PTPRT: variants seen among roughly 807,000 people sequenced by gnomAD.
The protein encoded by PTPRT is receptor-type tyrosine-protein phosphatase T.
In PTPRT, 56 loss-of-function variants were observed where a neutral mutation model predicts 176.8. That is an observed-to-expected ratio of 0.32 (90% confidence interval 0.26 to 0.40). The LOEUF (loss-of-function observed/expected upper bound fraction) is 0.40. Ranked by LOEUF, PTPRT falls within the 10% of genes least tolerant of loss-of-function variation. The pLI is 1.00. For missense variants in PTPRT, 1,540 were observed against 1,908.2 expected (o/e 0.81, Z 3.60); for synonymous variants, 783 against 739.0 (o/e 1.06, Z -0.96).
rs755791453 is a variant in PTPRT at position 42,472,397 on chromosome 20, A to G, written c.1319T>C (p.Val440Ala). The change falls in exon 8 of 31, where the codon GTC becomes GCC. Residue 440 changes from valine to alanine, a missense_variant. Val to Ala is a moderately conservative substitution (Grantham distance 64). Around this residue, in one of 11 missense-constraint regions of PTPRT, gnomAD observed 79 missense variants for 80.0 expected, o/e 0.99. Coordinates refer to ENST00000373187, the MANE Select transcript of PTPRT (RefSeq NM_007050.6). Reference sequence around the variant, plus strand: ...GGTGTAGTGGGAGGAGGTCTGGATGACCTCCTCGGCCTCGTACTGCTGCTG... The same window carrying G: ...GGTGTAGTGGGAGGAGGTCTGGATGGCCTCCTCGGCCTCGTACTGCTGCTG... The part of the protein sequence containing the change: ...FNQQQYEAEE[V>A]IQTSSHYTLR... 5.0e-6 allele frequency: 8 copies of G among 1,614,002 alleles called. No homozygotes were observed. The Admixed American group carries it at 1.2e-4, about 24-fold the overall frequency.
intron 17 of PTPRT, among the ~76,000 whole-genome samples, chr20:42,159,566 C>G (rs191598762): frequency 7.2e-5 from 11 of 151,998 alleles, no homozygotes; most frequent in African/African-American, 1.9e-4. Flanking sequence ...ATTCAACCCC[C>G]TAGGAAATGA....
chr20:42,717,017 C>G (rs1181556041), intron 6 of PTPRT, among the ~76,000 whole-genome samples: 1 of 147,848 alleles, frequency 6.8e-6, no homozygotes, highest in Non-Finnish European at 1.5e-5. Flanking sequence ...AGGGGAACAT[C>G]ACACACCAGG....
intron 7 of PTPRT, among the ~76,000 whole-genome samples, chr20:42,627,445 A>AT (rs35643809): frequency 3.3e-5 from 5 of 151,574 alleles, no homozygotes; most frequent in African/African-American, 9.7e-5. Flanking sequence ...AATTTTTTTA[A>AT]TTTTTTTGTA....
At chr20:42,892,872 C>T (rs1026253536) in intron 1 of PTPRT, among the ~76,000 whole-genome samples, 1 of 152,192 alleles carries the variant, frequency 6.6e-6, no homozygotes, top group African/African-American at 2.4e-5. Context: ...CTTTATTGTT[C>T]AGTGAATGCC....
chr20:42,411,751 C>T (rs1162055932), intron 9 of PTPRT, among the ~76,000 whole-genome samples: 1 of 151,784 alleles, frequency 6.6e-6, no homozygotes, highest in Non-Finnish European at 1.5e-5. Flanking sequence ...TTGAAAGACA[C>T]AAACTACCAA....
At chr20:42,281,480 C>T (rs1278414200) in intron 13 of PTPRT, among the ~76,000 whole-genome samples, 3 of 152,118 alleles carry the variant, frequency 2.0e-5, no homozygotes, top group East Asian at 1.9e-4. Context: ...GTGCACATTT[C>T]GTCAAGTAGC....
At chr20:42,653,820 G>A (rs145619345) in intron 7 of PTPRT, among the ~76,000 whole-genome samples, 20 of 152,182 alleles carry the variant, frequency 1.3e-4, no homozygotes, top group Middle Eastern at 3.4e-3. Context: ...ACAGTTTATC[G>A]TTAAGTGTAA....
At chr20:42,991,659 C>T (rs1422385791) in intron 1 of PTPRT, among the ~76,000 whole-genome samples, 2 of 152,092 alleles carry the variant, frequency 1.3e-5, no homozygotes, top group Admixed American at 6.6e-5. Flanking sequence ...TGCACAACAC[C>T]TGAATCTACT....
At chr20:42,924,651 A>G (rs1979368828) in intron 1 of PTPRT, among the ~76,000 whole-genome samples, 1 of 152,222 alleles carries the variant, frequency 6.6e-6, no homozygotes, top group South Asian at 2.1e-4. Context: ...ACAGAACATC[A>G]CAGCTGGCAA....
At chr20:42,336,559 G>C (rs192147510) in intron 11 of PTPRT, among the ~76,000 whole-genome samples, 24 of 152,296 alleles carry the variant, frequency 1.6e-4, no homozygotes, top group Non-Finnish European at 2.6e-4. Flanking sequence ...TTGGCTGTCA[G>C]TGCCTGGCAT....
intron 9 of PTPRT, among the ~76,000 whole-genome samples, chr20:42,409,137 C>T (rs375812806): frequency 6.6e-6 from 1 of 152,054 alleles, no homozygotes; most frequent in African/African-American, 2.4e-5. Flanking sequence ...AATAGTTATA[C>T]CATTGCAATC....
intron 12 of PTPRT, among the ~76,000 whole-genome samples, chr20:42,310,434 G>A (rs1022285112): frequency 3.9e-5 from 6 of 152,158 alleles, no homozygotes; most frequent in African/African-American, 7.2e-5. Flanking sequence ...AGGAAAGAAC[G>A]TTTTGATTTG....
chr20:42,921,233 C>A (rs1979125850), intron 1 of PTPRT, among the ~76,000 whole-genome samples: 1 of 152,156 alleles, frequency 6.6e-6, no homozygotes, highest in Non-Finnish European at 1.5e-5. Context: ...TCCAAAATTT[C>A]TGAAATATAT....
chr20:42,181,589 C>T (rs1990528605), intron 16 of PTPRT, among the ~76,000 whole-genome samples: 1 of 152,198 alleles, frequency 6.6e-6, no homozygotes, highest in Non-Finnish European at 1.5e-5. Context: ...TGCAGGTCCT[C>T]ATTGTCCCAG....
chr20:42,606,302 G>A (rs2073876602), intron 7 of PTPRT, among the ~76,000 whole-genome samples: 2 of 152,308 alleles, frequency 1.3e-5, no homozygotes, highest in African/African-American at 4.8e-5. Flanking sequence ...TGATGTGGTA[G>A]GGCCAGCCCA....
At chr20:42,358,320 C>T (rs1428570927) in intron 9 of PTPRT, among the ~76,000 whole-genome samples, 1 of 151,884 alleles carries the variant, frequency 6.6e-6, no homozygotes, top group Non-Finnish European at 1.5e-5. Flanking sequence ...ATCTTTGTGG[C>T]TGCAGAACAG....
chr20:42,745,479 C>G (rs1196059547), intron 6 of PTPRT, among the ~76,000 whole-genome samples: 1 of 152,166 alleles, frequency 6.6e-6, no homozygotes, highest in African/African-American at 2.4e-5. Context: ...CAGTACCCCC[C>G]CTCTCCCATC....
chr20:42,688,846 G>A (rs865953579), intron 6 of PTPRT, among the ~76,000 whole-genome samples: 1 of 152,172 alleles, frequency 6.6e-6, no homozygotes, highest in Non-Finnish European at 1.5e-5. Flanking sequence ...AACAAGTAAT[G>A]AGGGCTGACT....
intron 8 of PTPRT, among the ~76,000 whole-genome samples, chr20:42,450,024 A>G (rs1021707846): frequency 6.6e-6 from 1 of 152,202 alleles, no homozygotes; most frequent in African/African-American, 2.4e-5. Flanking sequence ...TTATTTTATC[A>G]CTAAAGAAAT....
Sources: gnomAD v4.1 joint callset for allele counts (sites outside exome capture counted in the v4.1 genomes callset) on GRCh38, gnomAD v4.1.1 for gene constraint, gnomAD v4.1.1 regional missense constraint, MANE v1.5 for transcripts, NCBI Gene and HGNC (gene_info 2026-07-23, HGNC 2026-07-21) for gene names.